Variants in RAB3IL1 observed in about 807,000 individuals in gnomAD.
RAB3IL1 encodes the protein RAB3A interacting protein like 1.
RAB3IL1 carries 37 observed loss-of-function variants against 49.2 expected under a neutral mutation model. The ratio of observed to expected loss-of-function variants is 0.75; its 90% CI spans 0.58 to 0.99. The LOEUF (loss-of-function observed/expected upper bound fraction) is 0.99. RAB3IL1 is among the 50% of genes least tolerant of loss of function. The probability of loss-of-function intolerance (pLI) is 0.00; values close to 1 mark genes in which losing one functional copy is unlikely to be tolerated. For missense variants in RAB3IL1, 484 were observed against 513.0 expected, an observed-to-expected ratio of 0.94 and a Z score of 0.55; for synonymous variants, 193 against 213.9, an observed-to-expected ratio of 0.90 and a Z score of 0.85.
At chr11:61,919,961 T>A, upstream of RAB3IL1, 1 of 997,380 alleles carries the variant, frequency 1.0e-6, no homozygotes, top group Non-Finnish European at 1.3e-6. Flanking sequence ...TAGGACTCTC[T>A]GAGCCCAGCT....
At position 61,907,380 on chromosome 11, in the gene RAB3IL1, G is replaced by C. The variant is rs766094284; in HGVS notation, c.438+13C>G. 2 of 1,612,504 alleles carry C rather than the reference G, an allele frequency of 1.2e-6. No individual in the cohort carries two copies. Among genetic ancestry groups the C allele is most frequent in the Admixed American group, 1.7e-5 (1 of 59,982 alleles). On this transcript the variant is annotated intron_variant, in intron 4 of 9. Coordinates refer to ENST00000394836, the MANE Select transcript of RAB3IL1 (RefSeq NM_013401.4). ...TGCCTGGGCTGGCCTGGGCAGGCGG[G>C]GATGGGCCTCACCTTGCCCCGAGCC... is the stretch of plus-strand genomic sequence containing the variant.
chr11:61,914,019 G>A (rs1312284242), intron 1 of RAB3IL1, among the ~76,000 whole-genome samples: 1 of 152,200 alleles, frequency 6.6e-6, no homozygotes, highest in African/African-American at 2.4e-5. Flanking sequence ...CTTCCAGGGA[G>A]CAGCAACAGT....
At chr11:61,930,154 C>G in the RAB3IL1 span, among the ~76,000 whole-genome samples, 26 of 152,130 alleles carry the variant, frequency 1.7e-4, no homozygotes, top group African/African-American at 6.0e-4. Flanking sequence ...CCTCAGCCTC[C>G]TGAAGTGCTG....
At chr11:61,943,098 G>A in the RAB3IL1 span, among the ~76,000 whole-genome samples, 2 of 152,312 alleles carry the variant, frequency 1.3e-5, no homozygotes, top group Admixed American at 1.3e-4. Context: ...TCCTGGTTTC[G>A]AAATTTCTAC....
Position 61,917,338 on chromosome 11 carries a change from CG to C in RAB3IL1, c.11+18del. On this transcript the variant is annotated intron_variant, in intron 1 of 9. Transcript: ENST00000394836. ...GCGGCCCAGACCCAGCGCGGGACCG[CG>C]AGCGCGCGCGGACCTACCCGCTCCA... 1.5e-6 allele frequency: 2 copies of C among 1,313,058 alleles called. No homozygotes were observed. The highest frequency in any genetic ancestry group is 1.9e-6 in the Non-Finnish European group (2 of 1,031,242). 81.3% of individuals were successfully genotyped at this position (1,313,058 alleles called of 1,614,324 possible).
chr11:61,915,678 A>G (rs1565367643), intron 1 of RAB3IL1, among the ~76,000 whole-genome samples: 1 of 152,132 alleles, frequency 6.6e-6, no homozygotes, highest in Non-Finnish European at 1.5e-5. Context: ...CTCCTAAGCC[A>G]GCCTCCTTCC....
intron 1 of RAB3IL1, among the ~76,000 whole-genome samples, chr11:61,913,638 G>A (rs555276658): frequency 6.6e-6 from 1 of 152,158 alleles, no homozygotes; most frequent in Admixed American, 6.5e-5. Context: ...GGCTGGGCAC[G>A]CAGTACATCC....
At chr11:61,907,714 G>C (rs998130549) in intron 2 of RAB3IL1, 54 bp from the exon 3 acceptor site, 7 of 1,525,522 alleles carry the variant, frequency 4.6e-6, no homozygotes, top group African/African-American at 1.4e-5. Context: ...GGCCTGGCAC[G>C]GGAGGGACCA....
At chr11:61,934,456 A>ATG in the RAB3IL1 span, among the ~76,000 whole-genome samples, 117 of 19,188 alleles carry the variant, frequency 6.1e-3, 4 homozygotes, top group African/African-American at 0.019. Flanking sequence ...GTATGTATAT[A>ATG]TATATATATA....
chr11:61,908,438 T>G (rs1939316251), intron 1 of RAB3IL1, 132 bp from the exon 2 acceptor site: 1 of 1,050,446 alleles, frequency 9.5e-7, no homozygotes, highest in Non-Finnish European at 1.3e-6. Flanking sequence ...ACTGGGACCC[T>G]ACCAGCTATC....
chr11:61,899,922 C>G (rs571706546), intron 8 of RAB3IL1, among the ~76,000 whole-genome samples: 1 of 152,352 alleles, frequency 6.6e-6, no homozygotes, highest in African/African-American at 2.4e-5. Context: ...CCATGCCAGG[C>G]CCCGGGGACC....
chr11:61,929,966 C>T, the RAB3IL1 span, among the ~76,000 whole-genome samples: 2 of 139,322 alleles, frequency 1.4e-5, no homozygotes, highest in East Asian at 2.3e-4. Context: ...AGTCTCGGCT[C>T]GCTGCAACCT....
the RAB3IL1 span, among the ~76,000 whole-genome samples, chr11:61,938,282 T>C: frequency 2.6e-5 from 4 of 152,110 alleles, no homozygotes; most frequent in Non-Finnish European, 5.9e-5. Context: ...ACACCTGTAG[T>C]CCCAGCTACT....
At chr11:61,907,350 G>C (rs778892105) in intron 4 of RAB3IL1, 43 bp downstream of exon 4, 15 of 1,599,072 alleles carry the variant, frequency 9.4e-6, no homozygotes, top group South Asian at 8.9e-5. Context: ...GGGAGGCAGG[G>C]GGGGTGCCTG....
At position 61,898,227 on chromosome 11, in the gene RAB3IL1, G is replaced by T; in HGVS notation, c.*51C>A. 1.3e-6 allele frequency: 2 copies of T among 1,541,974 alleles called. No homozygotes were observed. Among genetic ancestry groups the T allele is most frequent in the Non-Finnish European group, 8.9e-7 (1 of 1,122,578 alleles). ...TCTCCCTGTGTGTCGGCTTGTTCTG[G>T]GGTGGGTGTTTGCTCTGTCTCAGAG... On this transcript the variant is annotated 3_prime_UTR_variant, in exon 10 of 10. Transcript: ENST00000394836. The surrounding 1 kb of genome is among the most constrained non-coding windows in gnomAD (Gnocchi z 5.1).
At chr11:61,911,231 C>T (rs1939440864) in intron 1 of RAB3IL1, among the ~76,000 whole-genome samples, 1 of 152,184 alleles carries the variant, frequency 6.6e-6, no homozygotes, top group African/African-American at 2.4e-5. Flanking sequence ...AAGGCCAAAT[C>T]CCAATGGCAA....
rs1004993854 is a variant in RAB3IL1, at chr11:61,917,507, T to A, written c.-140A>T. Reference sequence around the variant, plus strand: ...GCCCTGCCCGCGGCCGGTCAGTAGGTCTCAGACGCCTGGGCTCGCGGCCCC... The same window carrying A: ...GCCCTGCCCGCGGCCGGTCAGTAGGACTCAGACGCCTGGGCTCGCGGCCCC... On this transcript the variant is annotated 5_prime_UTR_variant, in exon 1 of 10. Transcript: ENST00000394836. 1.2e-5 allele frequency: 14 copies of A among 1,129,442 alleles called. No individual in the cohort carries two copies. Among genetic ancestry groups the A allele is most frequent in the Non-Finnish European group, 1.5e-5 (14 of 923,768 alleles). The allele number at this position is 1,129,442 out of a possible 1,614,324, so 70.0% of individuals were successfully genotyped here.
At chr11:61,924,796 T>C (rs1939969338), upstream of RAB3IL1, among the ~76,000 whole-genome samples, 1 of 152,118 alleles carries the variant, frequency 6.6e-6, no homozygotes, top group Non-Finnish European at 1.5e-5. Context: ...AGGAGGGGAT[T>C]CCTTTGGGCC....
chr11:61,922,081 C>T (rs547787484), upstream of RAB3IL1, among the ~76,000 whole-genome samples: 6 of 151,902 alleles, frequency 3.9e-5, no homozygotes, highest in East Asian at 1.9e-4. Flanking sequence ...TGGTGGCGGG[C>T]GCCTGTAGTC....
Sources: gnomAD v4.1 joint callset for allele counts (sites outside exome capture counted in the v4.1 genomes callset) on GRCh38, gnomAD v4.1.1 for gene constraint, Gnocchi (gnomAD v3.1) non-coding constraint, MANE v1.5 for transcripts, NCBI Gene and HGNC (gene_info 2026-07-23, HGNC 2026-07-21) for gene names.